Variants in UGT1A10 observed in about 807,000 individuals in gnomAD.
UGT1A10 encodes UDP glucuronosyltransferase family 1 member A10, also known as UDP-glucuronosyltransferase 1A10.
UGT1A10 carries 49 observed loss-of-function variants against 45.8 expected under a neutral mutation model. That is an observed-to-expected ratio of 1.07 (90% CI 0.85 to 1.36). UGT1A10 has a LOEUF of 1.36. Ranked by LOEUF, UGT1A10 falls within the 40% of genes most tolerant of loss-of-function variation. The pLI, the probability that UGT1A10 is intolerant of heterozygous loss-of-function variation, is 0.00. For synonymous variants in UGT1A10, 284 were observed against 249.7 expected (o/e 1.14, Z -1.29); for missense variants, 745 against 668.6 (o/e 1.11, Z -1.26).
chr2:233,729,936 G>T lies in UGT1A10; in HGVS notation c.856-37098G>T, dbSNP rs1335744695. On this transcript the variant is annotated intron_variant, in intron 1 of 4. Transcript: ENST00000344644. ...TGATGGACTACCCCAGGCCAATCAT[G>T]CCCAACATGGTCTTCATTGGGGGCA... 5 of 1,613,890 alleles carry T rather than the reference G, an allele frequency of 3.1e-6. No individual in the cohort carries two copies. In the African/African-American group the frequency reaches 6.7e-5, roughly 22 times the overall value.
At chr2:233,707,538 CTTTT>C (rs753963758) in intron 1 of UGT1A10, among the ~76,000 whole-genome samples, 2 of 127,006 alleles carry the variant, frequency 1.6e-5, no homozygotes, top group African/African-American at 5.8e-5. Context: ...TTTGTCTTGC[CTTTT>C]TTTTTTTTTT....
chr2:233,752,937 C>A (rs1656534777), intron 1 of UGT1A10, among the ~76,000 whole-genome samples: 1 of 152,230 alleles, frequency 6.6e-6, no homozygotes, highest in African/African-American at 2.4e-5. Flanking sequence ...CCACTCTTTG[C>A]TGACCACTGA....
At chr2:233,691,270 C>T (rs2075035586) in intron 1 of UGT1A10, 4 of 985,548 alleles carry the variant, frequency 4.1e-6, no homozygotes, top group Non-Finnish European at 4.8e-6. Flanking sequence ...GCTGCCGCCC[C>T]CATGACTTTG....
chr2:233,668,583 G>T (rs1014327810), intron 1 of UGT1A10, among the ~76,000 whole-genome samples: 5 of 152,300 alleles, frequency 3.3e-5, no homozygotes, highest in African/African-American at 4.8e-5. Context: ...TAATGGGATG[G>T]CTGGGTCAAA....
rs886044683 is a variant in UGT1A10 at position 233,760,424 on chromosome 2, C to T, written c.856-6610C>T. The T allele has an allele frequency of 3.3e-5, 53 of 1,614,062 alleles. No individual in the cohort carries two copies. Among genetic ancestry groups the T allele is most frequent in the Non-Finnish European group, 4.4e-5 (52 of 1,180,038 alleles). On this transcript the variant is annotated intron_variant, in intron 1 of 4. Coordinates refer to ENST00000344644, the MANE Select transcript of UGT1A10 (RefSeq NM_019075.4). ...AGCCACTGGCTGAGCATGCTTGGGG[C>T]CATCCAGCAGCTGCAGCAGAGGGGA...
At chr2:233,720,267 C>T (rs1380272478) in intron 1 of UGT1A10, among the ~76,000 whole-genome samples, 2 of 152,012 alleles carry the variant, frequency 1.3e-5, no homozygotes, top group African/African-American at 4.8e-5. Context: ...AGGGATCTGT[C>T]CTGAGAAAAG....
chr2:233,724,947 G>A (rs941284896), intron 1 of UGT1A10, among the ~76,000 whole-genome samples: 4 of 144,674 alleles, frequency 2.8e-5, no homozygotes, highest in East Asian at 4.2e-4. Flanking sequence ...CTGCAATCCC[G>A]GCACCTCGGG....
chr2:233,755,100 G>A, intron 1 of UGT1A10: 9 of 1,335,078 alleles, frequency 6.7e-6, no homozygotes, highest in South Asian at 1.1e-5. Context: ...CTACGCGTCC[G>A]ACAACACCTC....
At chr2:233,751,176 G>A (rs1694660149) in intron 1 of UGT1A10, among the ~76,000 whole-genome samples, 1 of 151,990 alleles carries the variant, frequency 6.6e-6, no homozygotes, top group Non-Finnish European at 1.5e-5. Flanking sequence ...CTAGATATGA[G>A]ACATGAAGTT....
intron 1 of UGT1A10, chr2:233,672,748 A>C: frequency 1.2e-6 from 2 of 1,613,850 alleles, no homozygotes; most frequent in Non-Finnish European, 1.7e-6. Context: ...CATGATCTTC[A>C]TTGGTGGTAT....
intron 1 of UGT1A10, among the ~76,000 whole-genome samples, chr2:233,650,172 G>A (rs1369007735): frequency 6.6e-6 from 1 of 152,104 alleles, no homozygotes; most frequent in African/African-American, 2.4e-5. Context: ...GTTTCTCCAT[G>A]TTGGTCAGGC....
intron 1 of UGT1A10, among the ~76,000 whole-genome samples, chr2:233,734,101 T>TATA (rs549143261): frequency 0.029 from 4,376 of 151,364 alleles, 190 homozygotes; most frequent in African/African-American, 0.094. Flanking sequence ...AAACTTAAAG[T>TATA]ATAATAATAA....
intron 1 of UGT1A10, among the ~76,000 whole-genome samples, chr2:233,703,856 T>A (rs1016851767): frequency 2.6e-5 from 4 of 152,164 alleles, no homozygotes; most frequent in Non-Finnish European, 4.4e-5. Flanking sequence ...AATACTATTA[T>A]TGATGTAGAT....
chr2:233,672,361 G>C (rs2074223468), intron 1 of UGT1A10: 1 of 1,614,076 alleles, frequency 6.2e-7, no homozygotes, highest in Non-Finnish European at 8.5e-7. Flanking sequence ...GAGTTCTTTT[G>C]ATGCAGTGTT....
intron 1 of UGT1A10, among the ~76,000 whole-genome samples, chr2:233,740,331 G>GA (rs1691368430): frequency 6.6e-6 from 1 of 151,940 alleles, no homozygotes; most frequent in African/African-American, 2.4e-5. Context: ...CATTTATTGA[G>GA]AAAGTTGATG....
At position 233,679,554 on chromosome 2, in the gene UGT1A10, T is replaced by G. The variant is rs116184103; in HGVS notation, c.855+42177T>G. Among the ~76,000 whole-genome samples the G allele has an allele frequency of 3.6e-3, 555 of 152,294 alleles. 6 individuals are homozygous for G. The highest frequency in any genetic ancestry group is 0.013 in the African/African-American group (531 of 41,562). On this transcript the variant is annotated intron_variant, in intron 1 of 4. Transcript: ENST00000344644. The stretch of plus-strand genomic sequence containing the variant: ...ATGTCTTTTGTGTCATCTTTTTTTT[T>G]GTTTGTTTGTTTTTGTTTTTTCCAG...
At chr2:233,742,506 T>C (rs1389190553) in intron 1 of UGT1A10, among the ~76,000 whole-genome samples, 1 of 151,946 alleles carries the variant, frequency 6.6e-6, no homozygotes, top group East Asian at 1.9e-4. Flanking sequence ...ATGGCTATCA[T>C]GAACACGTCA....
At chr2:233,650,656 C>T (rs1191493170) in intron 1 of UGT1A10, among the ~76,000 whole-genome samples, 1 of 152,148 alleles carries the variant, frequency 6.6e-6, no homozygotes, top group Non-Finnish European at 1.5e-5. Flanking sequence ...CACCATTCTT[C>T]CACTCATATC....
Position 233,693,995 on chromosome 2 carries a change from G to A in UGT1A10, c.855+56618G>A, listed in dbSNP as rs7592281. ...GAAACGGTGGGGGGAAGTGATACCCGGCTCGGAGCAGCGGGAACACATAGG... is the reference window on the plus strand; with the variant it reads ...GAAACGGTGGGGGGAAGTGATACCCAGCTCGGAGCAGCGGGAACACATAGG... On this transcript the variant is annotated intron_variant, in intron 1 of 4. Transcript: ENST00000344644. 1.4e-4 allele frequency: 214 copies of A among 1,516,840 alleles called. 1 individual carries two copies. The highest frequency in any genetic ancestry group is 1.8e-4 in the Non-Finnish European group (199 of 1,126,318). The allele number at this position is 1,516,840 out of a possible 1,614,324, so 94.0% of individuals were successfully genotyped here.
Sources: gnomAD v4.1 joint callset for allele counts (sites outside exome capture counted in the v4.1 genomes callset) on GRCh38, gnomAD v4.1.1 for gene constraint, MANE v1.5 for transcripts, NCBI Gene and HGNC (gene_info 2026-07-23, HGNC 2026-07-21) for gene names.